FREM1: variants seen among roughly 807,000 people sequenced by gnomAD.
FREM1 encodes the protein FRAS1 related extracellular matrix 1.
In FREM1, 220 loss-of-function variants were observed where a neutral mutation model predicts 210.1. That is an observed-to-expected ratio of 1.05 (90% confidence interval 0.94 to 1.17). The LOEUF (loss-of-function observed/expected upper bound fraction) is 1.17. Ranked by LOEUF, FREM1 falls within the 50% of genes most tolerant of loss-of-function variation. The pLI is 0.00. For missense variants in FREM1, 3,454 were observed against 2,675.5 expected (o/e 1.29, Z -6.42); for synonymous variants, 1,189 against 980.2 (o/e 1.21, Z -3.98).
chr9:14,873,499 T>C (rs186385373), intron 1 of FREM1, among the ~76,000 whole-genome samples: 99 of 152,324 alleles, frequency 6.5e-4, no homozygotes, highest in Admixed American at 2.9e-3. Context: ...TGTATTTCTG[T>C]GGGATCGGTG....
chr9:14,800,679 A>C (rs1480334406), intron 20 of FREM1, among the ~76,000 whole-genome samples: 1 of 152,186 alleles, frequency 6.6e-6, no homozygotes, highest in Admixed American at 6.5e-5. Context: ...ATAAAAACTC[A>C]AATATCATTT....
chr9:14,805,161 C>G lies in FREM1; in HGVS notation c.3275-9G>C, dbSNP rs1467834919. ...TTTCCACTGAAATGAATCTAGAGCA[C>G]ACCAAGATGGAACAGATAAATAAAA... On this transcript the variant is annotated splice_polypyrimidine_tract_variant and intron_variant, in intron 18 of 36. Transcript: ENST00000380880. The G allele has an allele frequency of 6.7e-7, 1 of 1,497,208 alleles. No homozygotes were observed. The highest frequency in any genetic ancestry group is 2.3e-5 in the East Asian group (1 of 43,402). 92.7% of individuals were successfully genotyped at this position (1,497,208 alleles called of 1,614,324 possible).
intron 25 of FREM1, among the ~76,000 whole-genome samples, chr9:14,772,934 C>T (rs557299769): frequency 2.0e-5 from 3 of 152,208 alleles, no homozygotes; most frequent in South Asian, 2.1e-4. Flanking sequence ...AAATGCCTGT[C>T]GTGATCATGT....
chr9:14,871,622 G>A (rs2131907678), intron 1 of FREM1, among the ~76,000 whole-genome samples: 1 of 152,200 alleles, frequency 6.6e-6, no homozygotes, highest in South Asian at 2.1e-4. Context: ...CACTCTGATG[G>A]TAGTTTCTTT....
At chr9:14,902,971 T>A (rs1588677055) in intron 1 of FREM1, among the ~76,000 whole-genome samples, 1 of 152,218 alleles carries the variant, frequency 6.6e-6, no homozygotes, top group Non-Finnish European at 1.5e-5. Context: ...AATTGCAGTG[T>A]TAAACTCTTT....
intron 24 of FREM1, 162 bp from the exon 25 acceptor site, chr9:14,776,365 C>G: frequency 1.4e-6 from 1 of 705,422 alleles, no homozygotes; most frequent in Middle Eastern, 2.7e-4. Flanking sequence ...ATCATTAAAC[C>G]AGTCACTAGA....
At chr9:14,768,504 C>T (rs1846884764) in intron 27 of FREM1, among the ~76,000 whole-genome samples, 1 of 151,942 alleles carries the variant, frequency 6.6e-6, no homozygotes, top group African/African-American at 2.4e-5. Context: ...TTTAATATCA[C>T]GGGCCAGGTC....
At chr9:14,861,073 A>G (rs1443752580) in intron 3 of FREM1, among the ~76,000 whole-genome samples, 2 of 98,902 alleles carry the variant, frequency 2.0e-5, no homozygotes, top group Non-Finnish European at 4.2e-5. Context: ...ACATATACAT[A>G]TATACATATA....
intron 24 of FREM1, among the ~76,000 whole-genome samples, chr9:14,777,844 C>T (rs1343970641): frequency 1.3e-5 from 2 of 152,202 alleles, no homozygotes; most frequent in East Asian, 1.9e-4. Flanking sequence ...CCTGCGACCA[C>T]GGACTCAGGG....
At position 14,824,401 on chromosome 9, in the gene FREM1, T is replaced by A. The variant is rs184144855; in HGVS notation, c.2079-286A>T. Among the ~76,000 whole-genome samples the A allele has an allele frequency of 7.2e-5, 11 of 152,350 alleles. No individual in the cohort carries two copies. The East Asian group carries it at 2.1e-3, about 29-fold the overall frequency. Reference sequence around the variant, plus strand: ...TTTCTTGCTCTCATGCATACGATACTAGCATAACGTATATTCATGCCATTT... The same window carrying A: ...TTTCTTGCTCTCATGCATACGATACAAGCATAACGTATATTCATGCCATTT... On this transcript the variant is annotated intron_variant, in intron 11 of 36. Coordinates refer to ENST00000380880, the MANE Select transcript of FREM1 (RefSeq NM_001379081.2).
At chr9:14,864,855 C>G (rs372645997) in intron 2 of FREM1, among the ~76,000 whole-genome samples, 17 of 152,166 alleles carry the variant, frequency 1.1e-4, no homozygotes, top group African/African-American at 4.1e-4. Context: ...TCTTTTCCCG[C>G]AGATATCATT....
chr9:14,867,512 A>G (rs1294134149), intron 2 of FREM1, among the ~76,000 whole-genome samples: 1 of 152,186 alleles, frequency 6.6e-6, no homozygotes, highest in East Asian at 1.9e-4. Flanking sequence ...ACCACATCAG[A>G]AATACCTGCA....
At chr9:14,906,801 T>C (rs550967202) in intron 1 of FREM1, among the ~76,000 whole-genome samples, 2 of 152,140 alleles carry the variant, frequency 1.3e-5, no homozygotes, top group Non-Finnish European at 2.9e-5. Flanking sequence ...TAATGTTTGA[T>C]AGAAAGCAGG....
At chr9:14,834,453 TGATAAA>T (rs1423755616) in intron 10 of FREM1, among the ~76,000 whole-genome samples, 2 of 152,178 alleles carry the variant, frequency 1.3e-5, no homozygotes, top group African/African-American at 4.8e-5. Flanking sequence ...ATGGTCAAAT[TGATAAA>T]GATAAAATGG....
Position 14,859,248 on chromosome 9 carries a change from A to T in FREM1, c.566T>A (p.Val189Asp), listed in dbSNP as rs759083546. The T allele has an allele frequency of 6.2e-7, 1 of 1,612,718 alleles. No homozygotes were observed. Among genetic ancestry groups the T allele is most frequent in the Non-Finnish European group, 8.5e-7 (1 of 1,178,886 alleles). Residue 189 changes from valine to aspartate, a missense_variant, in exon 4 of 37, where the codon GTT becomes GAT. By Grantham distance (152) the Val-to-Asp change is radical (BLOSUM62 -3). Coordinates refer to ENST00000380880, the MANE Select transcript of FREM1 (RefSeq NM_001379081.2). ...RTRLPAHGQMVLGEPRPEEPR... is the reference protein window; with the variant it reads ...RTRLPAHGQMDLGEPRPEEPR... ...TTCTTCTGGTCGAGGCTCCCCGAGAACCATCTGGCCATGGGCTGGCAGCCG... is the reference window on the plus strand; with the variant it reads ...TTCTTCTGGTCGAGGCTCCCCGAGATCCATCTGGCCATGGGCTGGCAGCCG...
intron 19 of FREM1, 50 bp from the exon 20 acceptor site, chr9:14,801,924 T>A (rs1269214195): frequency 7.3e-7 from 1 of 1,371,716 alleles, no homozygotes; most frequent in African/African-American, 1.4e-5. Flanking sequence ...AGACAACTTG[T>A]CTTTCTTTGG....
At chr9:14,896,015 A>C (rs377376482) in intron 1 of FREM1, among the ~76,000 whole-genome samples, 1 of 152,184 alleles carries the variant, frequency 6.6e-6, no homozygotes, top group Non-Finnish European at 1.5e-5. Context: ...GCATTCCTAG[A>C]TGGTTAAGCA....
In FREM1 at chr9:14,848,712, G is replaced by C. The variant is rs1323926998; in HGVS notation, c.1214C>G (p.Ser405Cys). 3.1e-6 allele frequency: 5 copies of C among 1,612,896 alleles called. No homozygotes were observed. The highest frequency in any genetic ancestry group is 2.5e-6 in the Non-Finnish European group (3 of 1,179,168). ...GGCATTTGTATCTGCTGTTCTGATG[G>C]AGATGTGGACTGTCATAGGTGCACT... ...ERSAPMTVHI[S>C]IRTADTNAPR... Residue 405 changes from serine to cysteine, a missense_variant, in exon 7 of 37, where the codon TCC becomes TGC. By Grantham distance (112) the Ser-to-Cys change is moderately radical (BLOSUM62 -1). Coordinates refer to ENST00000380880, the MANE Select transcript of FREM1 (RefSeq NM_001379081.2).
chr9:14,805,654 C>G (rs943127585), intron 18 of FREM1, among the ~76,000 whole-genome samples: 3 of 152,088 alleles, frequency 2.0e-5, no homozygotes, highest in African/African-American at 7.2e-5. Flanking sequence ...GGCTTAAATC[C>G]AAAGAGAAAA....
Sources: allele counts gnomAD v4.1 joint callset (sites outside exome capture counted in the v4.1 genomes callset), GRCh38; gene constraint gnomAD v4.1.1; transcripts MANE v1.5; gene names NCBI Gene and HGNC (gene_info 2026-07-23, HGNC 2026-07-21).